Variants in KIF18B observed in about 807,000 individuals in gnomAD.
KIF18B encodes the protein kinesin-like protein KIF18B.
A neutral mutation model predicts 80.9 loss-of-function variants in KIF18B; 49 were observed. The ratio of observed to expected loss-of-function variants is 0.61; its 90% CI spans 0.48 to 0.77. The LOEUF (loss-of-function observed/expected upper bound fraction) is 0.77, where lower values mean the gene tolerates loss of function less well. Ranked by LOEUF, KIF18B falls within the 30% of genes least tolerant of loss-of-function variation. The pLI is 0.00. For missense variants in KIF18B, 994 were observed against 1,127.7 expected (o/e 0.88, Z 1.70); for synonymous variants, 439 against 463.9 (o/e 0.95, Z 0.69).
At chr17:44,933,122 GAGA>G (rs2052195376) in intron 7 of KIF18B, 136 bp from the exon 8 acceptor site, 4 of 704,288 alleles carry the variant, frequency 5.7e-6, no homozygotes, top group African/African-American at 1.8e-5. Flanking sequence ...AGACACAGCA[GAGA>G]AGGTCAGTAT....
In KIF18B at chr17:44,932,916, G is replaced by C. The variant is rs1437445933; in HGVS notation, c.1133C>G (p.Ala378Gly). 2 of 1,605,424 alleles carry C rather than the reference G, an allele frequency of 1.2e-6. No homozygotes were observed. The highest frequency in any genetic ancestry group is 8.5e-7 in the Non-Finnish European group (1 of 1,173,054). Residue 378 changes from alanine to glycine, a missense_variant, in exon 8 of 16, where the codon GCT (alanine) becomes GGT (glycine). Ala to Gly is a moderately conservative substitution (Grantham distance 60). Transcript: ENST00000593135. Reference protein sequence around the residue: ...QYATICQQLQAEVAALRKKLQ... With the variant: ...QYATICQQLQGEVAALRKKLQ... ...CCCCCAAGGCGGGCTCCTCACCTCAGCCTGGAGCTGTTGGCAGATGGTAGC... is the reference window on the plus strand; with the variant it reads ...CCCCCAAGGCGGGCTCCTCACCTCACCCTGGAGCTGTTGGCAGATGGTAGC...
At chr17:44,931,833 C>A (rs1295243818) in intron 10 of KIF18B, 104 bp from the exon 11 acceptor site, 10 of 1,456,398 alleles carry the variant, frequency 6.9e-6, no homozygotes, top group Admixed American at 2.1e-5. Flanking sequence ...GAAATGACAG[C>A]TCCTAGAATG....
chr17:44,934,029 T>C lies in KIF18B; in HGVS notation c.956A>G (p.Asn319Ser), dbSNP rs542116812. The change falls in exon 7 of 16, where the codon AAC becomes AGC. Residue 319 changes from asparagine to serine, a missense_variant. By Grantham distance (46) the Asn-to-Ser change is conservative. Transcript: ENST00000593135. The surrounding 1 kb of genome is among the most constrained non-coding windows in gnomAD (Gnocchi z 5.4). ...TRLLKDSLGG[N>S]CRTVMIAAIS... ...GGCAGCGATCATCACTGTGCGGCAGTTGCCCCCGAGGGAGTCTTTGAGCAG... is the reference window on the plus strand; with the variant it reads ...GGCAGCGATCATCACTGTGCGGCAGCTGCCCCCGAGGGAGTCTTTGAGCAG... 1.1e-5 allele frequency: 17 copies of C among 1,612,044 alleles called. No homozygotes were observed. The Admixed American group carries it at 2.2e-4, about 21-fold the overall frequency.
intron 1 of KIF18B, among the ~76,000 whole-genome samples, chr17:44,945,900 G>A (rs1251593205): frequency 8.1e-6 from 1 of 123,830 alleles, no homozygotes; most frequent in Non-Finnish European, 1.7e-5. Flanking sequence ...GGGAAATTCT[G>A]TCTCAGAAAA....
chr17:44,943,901 GA>G (rs984506506), intron 1 of KIF18B, among the ~76,000 whole-genome samples: 2 of 152,060 alleles, frequency 1.3e-5, no homozygotes, highest in African/African-American at 4.8e-5. Context: ...TTTTTTTGTA[GA>G]AATGATGTCT....
At chr17:44,930,746 G>A (rs1474782316) in intron 11 of KIF18B, among the ~76,000 whole-genome samples, 1 of 152,158 alleles carries the variant, frequency 6.6e-6, no homozygotes, top group East Asian at 1.9e-4. Context: ...CCCTAGCAGA[G>A]GGGCCCTGGG....
chr17:44,939,776 T>C (rs1436220411), intron 1 of KIF18B, among the ~76,000 whole-genome samples: 4 of 152,184 alleles, frequency 2.6e-5, no homozygotes, highest in African/African-American at 9.6e-5. Context: ...TTACTAGTTA[T>C]TACATGATCT....
At chr17:44,936,621 TATA>T (rs1487622077) in intron 1 of KIF18B, among the ~76,000 whole-genome samples, 198 of 60,268 alleles carry the variant, frequency 3.3e-3, no homozygotes, top group African/African-American at 7.6e-3. Flanking sequence ...TATATATATA[TATA>T]TTTTTTTTTT....
rs775362348 is a variant in KIF18B at position 44,928,167 on chromosome 17, G to A, written c.2135C>T (p.Pro712Leu). The change falls in exon 13 of 16, where the codon CCG becomes CTG. Residue 712 changes from proline to leucine, a missense_variant. Coordinates refer to ENST00000593135, the MANE Select transcript of KIF18B (RefSeq NM_001265577.2). ...GPSAMQNCST[P>L]LALPTRDLNA... ...GAGGTCTCGAGTGGGCAGAGCCAGCGGGGTGGAGCAGTTCTGCATGGCGGA... is the reference window on the plus strand; with the variant it reads ...GAGGTCTCGAGTGGGCAGAGCCAGCAGGGTGGAGCAGTTCTGCATGGCGGA... 25 of 1,609,892 alleles carry A rather than the reference G, an allele frequency of 1.6e-5. No homozygotes were observed. Among genetic ancestry groups the A allele is most frequent in the Middle Eastern group, 1.7e-4 (1 of 6,050 alleles).
rs569765345 is a variant in KIF18B at position 44,925,172 on chromosome 17, C to T, written c.*908G>A. On this transcript the variant is annotated 3_prime_UTR_variant, in exon 16 of 16. Coordinates refer to ENST00000593135, the MANE Select transcript of KIF18B (RefSeq NM_001265577.2). ...GGGCATCATAAATGAGAGGGGAGGCCGGGCGCAGTGGCTCACGCCTGTAAT... is the reference window on the plus strand; with the variant it reads ...GGGCATCATAAATGAGAGGGGAGGCTGGGCGCAGTGGCTCACGCCTGTAAT... 6.5e-4 allele frequency: 99 copies of T among 152,642 alleles called. No homozygotes were observed. The highest frequency in any genetic ancestry group is 3.3e-3 in the Middle Eastern group (1 of 300). The allele number at this position is 152,642 out of a possible 1,614,324, so 9.5% of individuals were successfully genotyped here.
chr17:44,926,351 T>C, intron 15 of KIF18B, 63 bp downstream of exon 15: 1 of 1,553,446 alleles, frequency 6.4e-7, no homozygotes, highest in Non-Finnish European at 8.7e-7. Context: ...CCCCGTCCCC[T>C]CCTCCTTCTT....
intron 1 of KIF18B, among the ~76,000 whole-genome samples, chr17:44,937,584 AT>A (rs1433823085): frequency 6.6e-6 from 1 of 152,198 alleles, no homozygotes; most frequent in Admixed American, 6.5e-5. Context: ...AACACAACTA[AT>A]TTTAGATATT....
Position 44,935,275 on chromosome 17 carries a change from A to G in KIF18B, c.455T>C (p.Leu152Pro), listed in dbSNP as rs1269428510. The G allele has an allele frequency of 1.2e-6, 2 of 1,607,420 alleles. No individual in the cohort carries two copies. Among genetic ancestry groups the G allele is most frequent in the Non-Finnish European group, 1.7e-6 (2 of 1,176,142 alleles). Residue 152 changes from leucine (L) to proline (P), a missense_variant, in exon 3 of 16, where the codon CTC becomes CCC. Coordinates refer to ENST00000593135, the MANE Select transcript of KIF18B (RefSeq NM_001265577.2). ...ARQQEKHFEV[L>P]ISYQEVYNEQ... is the part of the protein sequence containing the mutation. ...GCAGCCGACCTCCTGGTAGCTGATGAGCACCTCGAAGTGCTTCTCCTGCTG... is the reference window on the plus strand; with the variant it reads ...GCAGCCGACCTCCTGGTAGCTGATGGGCACCTCGAAGTGCTTCTCCTGCTG...
rs767513373 is a variant in KIF18B, at chr17:44,928,828, A to T, written c.1714T>A (p.Ser572Thr). ...RGAPLAQELC[S>T]ESIPVPSPLC... ...GCAGGATGAGACTCACTTGACTCTG[A>T]ACACAGCTCCTGAGCCAGAGGTGCC... Residue 572 changes from serine (S) to threonine (T), a missense_variant, in exon 12 of 16, where the codon TCA becomes ACA. Transcript: ENST00000593135. The T allele has an allele frequency of 5.6e-6, 9 of 1,613,618 alleles. No individual in the cohort carries two copies. Among genetic ancestry groups the T allele is most frequent in the Non-Finnish European group, 6.8e-6 (8 of 1,179,752 alleles).
At position 44,928,507 on chromosome 17, in the gene KIF18B, G is replaced by T; in HGVS notation, c.1795C>A (p.Arg599=). ...TGPVTRTMAR[R]LSGPLHTLGI... ...AGGGTGTGCAGGGGGCCACTCAGTC[G>T]CCTCGCCATAGTCCGGGTCACAGGG... Residue 599 remains arginine (R), a synonymous_variant, in exon 13 of 16, where the codon CGA becomes AGA. Coordinates refer to ENST00000593135, the MANE Select transcript of KIF18B (RefSeq NM_001265577.2). The T allele has an allele frequency of 1.3e-6, 2 of 1,492,828 alleles. No individual in the cohort carries two copies. Among genetic ancestry groups the T allele is most frequent in the Non-Finnish European group, 8.9e-7 (1 of 1,126,706 alleles). 92.5% of individuals were successfully genotyped at this position (1,492,828 alleles called of 1,614,324 possible). A position where few individuals can be genotyped will look rare whatever the true frequency, so the allele number is the denominator to read the frequency against.
At position 44,935,989 on chromosome 17, in the gene KIF18B, G is replaced by A. The variant is rs760746573; in HGVS notation, c.313+43C>T. On this transcript the variant is annotated intron_variant, in intron 2 of 15. Coordinates refer to ENST00000593135, the MANE Select transcript of KIF18B (RefSeq NM_001265577.2). Reference sequence around the variant, plus strand: ...CATGAAACCCTTCCCTTAGGAGGAGGCAGGGAGGCCAGGCCACTGCCAGGC... The same window carrying A: ...CATGAAACCCTTCCCTTAGGAGGAGACAGGGAGGCCAGGCCACTGCCAGGC... The A allele has an allele frequency of 3.8e-6, 6 of 1,560,834 alleles. No homozygotes were observed. The Admixed American group carries it at 1.0e-4, about 26-fold the overall frequency.
chr17:44,933,973 T>C lies in KIF18B; in HGVS notation c.1012A>G (p.Thr338Ala), dbSNP rs1483226837. 1 of 1,598,174 alleles carries C rather than the reference T, an allele frequency of 6.3e-7. No homozygotes were observed. The highest frequency in any genetic ancestry group is 8.5e-7 in the Non-Finnish European group (1 of 1,172,744). The change falls in exon 7 of 16, where the codon ACG becomes GCG. Residue 338 changes from threonine (T) to alanine (A), a missense_variant. Thr to Ala is a moderately conservative substitution (Grantham distance 58). Transcript: ENST00000593135. Reference protein sequence around the residue: ...ISPSSLTYEDTYNTLKYADRA... With the variant: ...ISPSSLTYEDAYNTLKYADRA... The stretch of plus-strand genomic sequence containing the variant: ...TCGGCATATTTGAGGGTGTTGTACG[T>C]GTCCTCGTAGGTCAGGCTGGAGGGG...
intron 14 of KIF18B, 105 bp downstream of exon 14, chr17:44,926,884 G>A: frequency 1.0e-6 from 1 of 959,254 alleles, no homozygotes; most frequent in South Asian, 1.4e-5. Context: ...TTGCTCCGGG[G>A]GTGTAGAGAC....
intron 11 of KIF18B, among the ~76,000 whole-genome samples, chr17:44,930,547 C>T (rs891509623): frequency 3.9e-5 from 6 of 152,304 alleles, no homozygotes; most frequent in African/African-American, 7.2e-5. Context: ...TTATTTTCAA[C>T]GATCTGGCTG....
Sources: gnomAD v4.1 joint callset for allele counts (sites outside exome capture counted in the v4.1 genomes callset) on GRCh38, gnomAD v4.1.1 for gene constraint, Gnocchi (gnomAD v3.1) non-coding constraint, MANE v1.5 for transcripts, NCBI Gene and HGNC (gene_info 2026-07-23, HGNC 2026-07-21) for gene names.